NUP85: variants seen among roughly 807,000 people sequenced by gnomAD.
NUP85 encodes nucleoporin 85.
A neutral mutation model predicts 92.8 loss-of-function variants in NUP85; 23 were observed. The ratio of observed to expected loss-of-function variants is 0.25; its 90% CI spans 0.18 to 0.35. The LOEUF (loss-of-function observed/expected upper bound fraction) is 0.35. Among genes scored for constraint, NUP85 ranks in the 10% least tolerant of loss-of-function variants. NUP85 has a pLI of 1.00. For missense variants in NUP85, 759 were observed against 822.8 expected (o/e 0.92, Z 0.95); for synonymous variants, 314 against 306.9 (o/e 1.02, Z -0.24).
At chr17:75,223,012 G>C (rs1183309191) in intron 7 of NUP85, among the ~76,000 whole-genome samples, 1 of 142,964 alleles carries the variant, frequency 7.0e-6, no homozygotes, top group Admixed American at 7.1e-5. Flanking sequence ...TCCAGCCTGG[G>C]CGACAGCAAG....
In NUP85 at chr17:75,225,152, T is replaced by C; in HGVS notation, c.647T>C (p.Leu216Pro). 6.2e-7 allele frequency: 1 copy of C among 1,602,118 alleles called. No individual in the cohort carries two copies. Among genetic ancestry groups the C allele is most frequent in the Non-Finnish European group, 8.5e-7 (1 of 1,172,836 alleles). Reference protein sequence around the residue: ...QGRLDEARQMLSKEADASPAS... With the variant: ...QGRLDEARQMPSKEADASPAS... Reference sequence around the variant, plus strand: ...CGGCTGGATGAGGCCCGACAGATGCTCTCCAAGGAAGCCGATGCCAGCCCC... The same window carrying C: ...CGGCTGGATGAGGCCCGACAGATGCCCTCCAAGGAAGCCGATGCCAGCCCC... The change falls in exon 8 of 19, where the codon CTC becomes CCC. Residue 216 changes from leucine (L) to proline (P), a missense_variant. Transcript: ENST00000245544.
chr17:75,213,249 G>A (rs1364091286), intron 5 of NUP85, 130 bp downstream of exon 5: 2 of 729,402 alleles, frequency 2.7e-6, no homozygotes, highest in Non-Finnish European at 4.8e-6. Flanking sequence ...GCTCCTTTGG[G>A]TGACAGTGAT....
intron 16 of NUP85, among the ~76,000 whole-genome samples, chr17:75,233,800 G>A (rs1309420683): frequency 7.9e-5 from 12 of 151,758 alleles, no homozygotes; most frequent in East Asian, 2.0e-4. Flanking sequence ...GGGTTTCACC[G>A]TGTTAGCCAG....
At chr17:75,212,709 C>T (rs1020068395) in intron 4 of NUP85, among the ~76,000 whole-genome samples, 13 of 151,992 alleles carry the variant, frequency 8.6e-5, no homozygotes, top group African/African-American at 2.9e-4. Flanking sequence ...TTTGTAGAAA[C>T]GGGGTCTCCC....
chr17:75,226,664 G>A (rs2075807860), intron 11 of NUP85: 1 of 394,632 alleles, frequency 2.5e-6, no homozygotes, highest in African/African-American at 2.0e-5. Context: ...GCCACAGGTA[G>A]ATAATGGCTT....
chr17:75,226,814 C>T, intron 11 of NUP85: 1 of 438,602 alleles, frequency 2.3e-6, no homozygotes, highest in South Asian at 1.6e-5. Context: ...GCCAGCAAGC[C>T]TGTTTCTTGG....
At chr17:75,216,597 A>G (rs2075439916) in intron 6 of NUP85, among the ~76,000 whole-genome samples, 1 of 152,070 alleles carries the variant, frequency 6.6e-6, no homozygotes, top group African/African-American at 2.4e-5. Context: ...TGTGGTCAGT[A>G]TAGTGTCATG....
At chr17:75,227,484 C>T (rs140651106) in intron 11 of NUP85, among the ~76,000 whole-genome samples, 35 of 151,770 alleles carry the variant, frequency 2.3e-4, no homozygotes, top group African/African-American at 7.5e-4. Flanking sequence ...TACAGGTGTC[C>T]GTCACCACGC....
intron 7 of NUP85, among the ~76,000 whole-genome samples, chr17:75,224,261 G>A (rs141070403): frequency 0.011 from 1,669 of 151,848 alleles, 91 homozygotes; most frequent in Admixed American, 0.084. Flanking sequence ...TAACCAGGAT[G>A]GTCTCGATCT....
rs1052204781 is a variant in NUP85, at chr17:75,208,747, T to C, written c.127+127T>C. 2.7e-5 allele frequency: 19 copies of C among 702,944 alleles called. No homozygotes were observed. The African/African-American group carries it at 3.4e-4, about 13-fold the overall frequency. 43.5% of individuals were successfully genotyped at this position (702,944 alleles called of 1,614,324 possible). ...TATTTTGTACTATTTTAATTTTCTC[T>C]ATTTTGTTTTCAAGATACAACAGGG... On this transcript the variant is annotated intron_variant, in intron 2 of 18. Coordinates refer to ENST00000245544, the MANE Select transcript of NUP85 (RefSeq NM_024844.5).
chr17:75,211,746 C>G (rs184061086), intron 3 of NUP85, among the ~76,000 whole-genome samples: 4 of 152,128 alleles, frequency 2.6e-5, no homozygotes, highest in Admixed American at 2.0e-4. Context: ...AAGGTCTGAC[C>G]AGTAGATTTC....
rs2076042144 is a variant in NUP85 at position 75,231,147 on chromosome 17, T to TCAG, written c.1095-193_1095-192insCAG. 15 of 604,104 alleles carry TCAG rather than the reference T, an allele frequency of 2.5e-5. No individual in the cohort carries two copies. The South Asian group carries it at 2.8e-4, about 11-fold the overall frequency. 37.4% of individuals were successfully genotyped at this position (604,104 alleles called of 1,614,324 possible). A position where few individuals can be genotyped will look rare whatever the true frequency, so the allele number is the denominator to read the frequency against. On this transcript the variant is annotated intron_variant, in intron 11 of 18. Transcript: ENST00000245544. This position sits in a 1 kb window ranked among gnomAD's most constrained non-coding sequence, Gnocchi z 4.6. ...TTTTGCCATGTTGCCCAGGCTGGTC[T>TCAG]TAAATTCCTGGACTCAGGTGATCTG...
chr17:75,212,086 G>GTA, intron 4 of NUP85, 24 bp downstream of exon 4: 1 of 1,318,854 alleles, frequency 7.6e-7, no homozygotes, highest in Non-Finnish European at 1.0e-6. Context: ...GCGCGTGCGC[G>GTA]CGTGTGTGTG....
In NUP85 at chr17:75,231,414, ACAACCT is replaced by A. The variant is rs1225531257; in HGVS notation, c.1171_1176del (p.Asn391_Leu392del). 4.3e-6 allele frequency: 7 copies of A among 1,614,124 alleles called. No individual in the cohort carries two copies. Among genetic ancestry groups the A allele is most frequent in the Non-Finnish European group, 5.9e-6 (7 of 1,180,006 alleles). On this transcript the variant is annotated inframe_deletion, in exon 12 of 19. Transcript: ENST00000245544. The surrounding 1 kb of genome is among the most constrained non-coding windows in gnomAD (Gnocchi z 4.6). ...GACCACTGCAAGCTCCTCCAGTCAC[ACAACCT>A]CTAGTAAGTGGCCGGGAGGCACCGA... is the stretch of plus-strand genomic sequence containing the variant.
intron 7 of NUP85, among the ~76,000 whole-genome samples, chr17:75,222,984 G>A (rs2075642224): frequency 2.0e-5 from 3 of 146,448 alleles, no homozygotes; most frequent in African/African-American, 7.9e-5. Context: ...GCAGTGAGCC[G>A]AGATCGCGCC....
In NUP85 at chr17:75,225,098, C is replaced by G; in HGVS notation, c.598-5C>G. ...CAATGCTTATGGGCCCGGATCTCCTCCCAGGTGACCATCTTGGTGCTGCAG... is the reference window on the plus strand; with the variant it reads ...CAATGCTTATGGGCCCGGATCTCCTGCCAGGTGACCATCTTGGTGCTGCAG... On this transcript the variant is annotated splice_polypyrimidine_tract_variant and splice_region_variant and intron_variant, in intron 7 of 18. Coordinates refer to ENST00000245544, the MANE Select transcript of NUP85 (RefSeq NM_024844.5). 6.5e-7 allele frequency: 1 copy of G among 1,547,330 alleles called. No homozygotes were observed. The highest frequency in any genetic ancestry group is 8.7e-7 in the Non-Finnish European group (1 of 1,144,812).
chr17:75,231,143 G>A lies in NUP85; in HGVS notation c.1095-197G>A, dbSNP rs2076041778. The A allele has an allele frequency of 1.7e-6, 1 of 592,600 alleles. No homozygotes were observed. 36.7% of individuals were successfully genotyped at this position (592,600 alleles called of 1,614,324 possible). A position where few individuals can be genotyped will look rare whatever the true frequency, so the allele number is the denominator to read the frequency against. ...GGGGTTTTGCCATGTTGCCCAGGCT[G>A]GTCTTAAATTCCTGGACTCAGGTGA... is the stretch of plus-strand genomic sequence containing the variant. On this transcript the variant is annotated intron_variant, in intron 11 of 18. Coordinates refer to ENST00000245544, the MANE Select transcript of NUP85 (RefSeq NM_024844.5). This position sits in a 1 kb window ranked among gnomAD's most constrained non-coding sequence, Gnocchi z 4.6.
intron 7 of NUP85, among the ~76,000 whole-genome samples, chr17:75,221,792 C>G (rs1030558043): frequency 6.6e-6 from 1 of 152,142 alleles, no homozygotes. Flanking sequence ...AAAGGCTGTC[C>G]TGGCTGCCAT....
At chr17:75,216,387 T>G (rs1488537062) in intron 6 of NUP85, 1 of 152,512 alleles carries the variant, frequency 6.6e-6, no homozygotes, top group Admixed American at 6.5e-5. Context: ...TGCCTCAACC[T>G]CCTGAGTAGC....
Sources: gnomAD v4.1 joint callset for allele counts (sites outside exome capture counted in the v4.1 genomes callset) on GRCh38, gnomAD v4.1.1 for gene constraint, Gnocchi (gnomAD v3.1) non-coding constraint, MANE v1.5 for transcripts, NCBI Gene and HGNC (gene_info 2026-07-23, HGNC 2026-07-21) for gene names.